Variants in ABI2 observed in about 807,000 individuals in gnomAD.
ABI2 encodes the protein abelson interactor 2.
In ABI2, 25 loss-of-function variants were observed where a neutral mutation model predicts 59.2. The ratio of observed to expected loss-of-function variants is 0.42; its 90% CI spans 0.31 to 0.59. The LOEUF is 0.59. Ranked by LOEUF, ABI2 falls within the 20% of genes least tolerant of loss-of-function variation. The probability of loss-of-function intolerance (pLI) is 0.14; values close to 1 mark genes in which losing one functional copy is unlikely to be tolerated. For missense variants in ABI2, 545 were observed against 681.8 expected (o/e 0.80, Z 2.23); for synonymous variants, 213 against 235.5 (o/e 0.90, Z 0.87).
chr2:203,391,837 AAG>A (rs2096753551), intron 5 of ABI2, among the ~76,000 whole-genome samples: 1 of 151,796 alleles, frequency 6.6e-6, no homozygotes, highest in Non-Finnish European at 1.5e-5. Context: ...AAAAAAAAAA[AAG>A]AAGAATATGG....
At chr2:203,336,990 G>A (rs952513230) in intron 1 of ABI2, among the ~76,000 whole-genome samples, 6 of 152,030 alleles carry the variant, frequency 3.9e-5, no homozygotes, top group African/African-American at 1.4e-4. Flanking sequence ...TCTCTTGTTA[G>A]TGATGTCTCA....
rs1052637545 is a variant in ABI2 at position 203,429,576 on chromosome 2, G to GT, written c.*2225dup. 2 of 152,064 alleles carry GT rather than the reference G, an allele frequency of 1.3e-5. No individual in the cohort carries two copies. The highest frequency in any genetic ancestry group is 2.9e-5 in the Non-Finnish European group (2 of 68,048). 9.4% of individuals were successfully genotyped at this position (152,064 alleles called of 1,614,324 possible). A position where few individuals can be genotyped will look rare whatever the true frequency, so the allele number is the denominator to read the frequency against. ...AATTGAGACCATCCTGGCCAACATG[G>GT]TGAAACCCCATCTCTACTAAAAACA... On this transcript the variant is annotated 3_prime_UTR_variant, in exon 12 of 12. Transcript: ENST00000261018.
chr2:203,386,633 G>C, intron 4 of ABI2: 1 of 150,430 alleles, frequency 6.6e-6, no homozygotes, highest in Non-Finnish European at 1.4e-5. Context: ...AGAATCTGTA[G>C]ACATTGCTTT....
In ABI2 at chr2:203,431,157, A is replaced by G. The variant is rs889990264; in HGVS notation, c.*3805A>G. 6.6e-6 allele frequency: 1 copy of G among 152,390 alleles called. No individual in the cohort carries two copies. The allele number at this position is 152,390 out of a possible 1,614,324, so 9.4% of individuals were successfully genotyped here. On this transcript the variant is annotated 3_prime_UTR_variant, in exon 12 of 12. Coordinates refer to ENST00000261018, the MANE Select transcript of ABI2 (RefSeq NM_001375670.1). ...GTGTTAAGGTGGTAATTTCCCCCAT[A>G]TAAGATTTAGAATCACTGAGTTTGA...
chr2:203,357,043 ATTT>A (rs35021678), intron 1 of ABI2, among the ~76,000 whole-genome samples: 67,138 of 151,784 alleles, frequency 0.44, 16,672 homozygotes, highest in Middle Eastern at 0.7. Flanking sequence ...CGTTTTTAAA[ATTT>A]TTGTCTGTTT....
intron 1 of ABI2, among the ~76,000 whole-genome samples, chr2:203,358,471 A>C (rs1271729975): frequency 6.6e-6 from 1 of 152,150 alleles, no homozygotes; most frequent in African/African-American, 2.4e-5. Context: ...GAACAAACTT[A>C]AACAACAAAA....
At chr2:203,386,489 T>C in intron 4 of ABI2, 1 of 372,902 alleles carries the variant, frequency 2.7e-6, no homozygotes. Context: ...TTGCCCAGTC[T>C]GGAATCCTGT....
intron 4 of ABI2, 74 bp downstream of exon 4, chr2:203,382,280 T>G (rs148326389): frequency 2.3e-5 from 29 of 1,257,416 alleles, no homozygotes; most frequent in Non-Finnish European, 3.0e-5. Context: ...TTAAAGAGAT[T>G]GTTAACTCTT....
intron 5 of ABI2, among the ~76,000 whole-genome samples, chr2:203,391,639 G>A (rs940225198): frequency 2.6e-5 from 4 of 151,944 alleles, no homozygotes; most frequent in Non-Finnish European, 5.9e-5. Flanking sequence ...TGGGCAACAT[G>A]GTGAAACCCT....
chr2:203,333,006 G>A (rs1371645901), intron 1 of ABI2, among the ~76,000 whole-genome samples: 2 of 152,238 alleles, frequency 1.3e-5, no homozygotes, highest in Non-Finnish European at 2.9e-5. Flanking sequence ...TTGAACAATA[G>A]GAGACATATT....
chr2:203,416,857 A>G (rs775742502), intron 10 of ABI2, 51 bp from the exon 11 acceptor site: 3 of 1,505,820 alleles, frequency 2.0e-6, no homozygotes, highest in Admixed American at 4.2e-5. Context: ...GATAGGAAAT[A>G]CTGAACTTTG....
intron 1 of ABI2, among the ~76,000 whole-genome samples, chr2:203,344,561 GTTT>G (rs2082029769): frequency 9.7e-5 from 2 of 20,662 alleles, no homozygotes; most frequent in Non-Finnish European, 1.6e-4. Flanking sequence ...TGTTGTTGTT[GTTT>G]TTGTTTTTTT....
intron 11 of ABI2, among the ~76,000 whole-genome samples, chr2:203,422,253 T>G (rs1049788885): frequency 6.5e-5 from 5 of 76,592 alleles, no homozygotes; most frequent in African/African-American, 2.8e-4. Context: ...GAGCTGCGAT[T>G]GCACCACTGC....
In ABI2 at chr2:203,429,928, T is replaced by C. The variant is rs2153625233; in HGVS notation, c.*2576T>C. On this transcript the variant is annotated 3_prime_UTR_variant, in exon 12 of 12. Transcript: ENST00000261018. ...GTCCTTTATACTGAAGACCTGTGGT[T>C]GGGAGCAGGGGTAGTCCATGGGTCT... 6.6e-6 allele frequency: 1 copy of C among 152,284 alleles called. No individual in the cohort carries two copies. Among genetic ancestry groups the C allele is most frequent in the East Asian group, 1.9e-4 (1 of 5,164 alleles). 9.4% of individuals were successfully genotyped at this position (152,284 alleles called of 1,614,324 possible). A position where few individuals can be genotyped will look rare whatever the true frequency, so the allele number is the denominator to read the frequency against.
intron 7 of ABI2, among the ~76,000 whole-genome samples, chr2:203,396,491 T>C (rs1191799659): frequency 6.6e-6 from 1 of 152,214 alleles, no homozygotes; most frequent in Non-Finnish European, 1.5e-5. Flanking sequence ...CAGAATGTTA[T>C]GCTAAAAATA....
chr2:203,355,767 G>T (rs1412672637), intron 1 of ABI2, among the ~76,000 whole-genome samples: 1 of 148,512 alleles, frequency 6.7e-6, no homozygotes, highest in African/African-American at 2.5e-5. Flanking sequence ...GGAGGCAGAG[G>T]TTGCTGTGAG....
At chr2:203,406,494 G>A (rs998027) in intron 9 of ABI2, among the ~76,000 whole-genome samples, 16 of 151,990 alleles carry the variant, frequency 1.1e-4, no homozygotes, top group Non-Finnish European at 2.4e-4. Context: ...TTTTAAAAGC[G>A]ACTAAAAAAA....
chr2:203,398,525 G>C (rs1449628581), intron 8 of ABI2, among the ~76,000 whole-genome samples: 2 of 152,160 alleles, frequency 1.3e-5, no homozygotes, highest in African/African-American at 2.4e-5. Flanking sequence ...CAGTACCTGA[G>C]TTACCAAGCA....
In ABI2 at chr2:203,338,684, A is replaced by T. The variant is rs2077566281; in HGVS notation, c.117+10053A>T. 2.6e-5 allele frequency among the ~76,000 whole-genome samples: 4 copies of T among 151,362 alleles called. No homozygotes were observed. In the South Asian group the frequency reaches 8.4e-4, roughly 32 times the overall value. On this transcript the variant is annotated intron_variant, in intron 1 of 11. Coordinates refer to ENST00000261018, the MANE Select transcript of ABI2 (RefSeq NM_001375670.1). ...TACGATCATAAGAATGGACTGATAC[A>T]CTCCTAGAAGAAAACATAGGGGAAA...
Sources: allele counts gnomAD v4.1 joint callset (sites outside exome capture counted in the v4.1 genomes callset), GRCh38; gene constraint gnomAD v4.1.1; transcripts MANE v1.5; gene names NCBI Gene and HGNC (gene_info 2026-07-23, HGNC 2026-07-21).